The following GPC6 variants were observed in gnomAD, a reference collection of about 807,000 sequenced individuals.
GPC6 encodes the protein glypican-6.
In GPC6, 14 loss-of-function variants were observed where a neutral mutation model predicts 55.2. That is an observed-to-expected ratio of 0.25 (90% CI 0.17 to 0.40). GPC6 has a LOEUF of 0.40. Among genes scored for constraint, GPC6 ranks in the 10% least tolerant of loss-of-function variants. The pLI is 1.00. For missense variants in GPC6, 641 were observed against 708.5 expected (o/e 0.90, Z 1.08); for synonymous variants, 278 against 259.6 (o/e 1.07, Z -0.68).
At chr13:94,264,422 T>A (rs1162757416) in intron 4 of GPC6, among the ~76,000 whole-genome samples, 1 of 152,246 alleles carries the variant, frequency 6.6e-6, no homozygotes, top group Non-Finnish European at 1.5e-5. Context: ...ACCCTTCTTG[T>A]GAAACTTCCA....
At chr13:93,542,865 G>C (rs368529089) in intron 1 of GPC6, among the ~76,000 whole-genome samples, 17 of 152,064 alleles carry the variant, frequency 1.1e-4, no homozygotes, top group East Asian at 7.7e-4. Flanking sequence ...GATTTTTGTA[G>C]ATTGATTTTG....
At chr13:93,515,761 G>T (rs538754558) in intron 1 of GPC6, among the ~76,000 whole-genome samples, 1 of 152,226 alleles carries the variant, frequency 6.6e-6, no homozygotes, top group South Asian at 2.1e-4. Context: ...CAAGTATCTT[G>T]TAGTAGAGTA....
chr13:93,477,301 G>A (rs1256941480), intron 1 of GPC6, among the ~76,000 whole-genome samples: 1 of 152,136 alleles, frequency 6.6e-6, no homozygotes, highest in East Asian at 1.9e-4. Context: ...TTCAAATTGT[G>A]TAGTTACCTG....
At chr13:93,823,616 G>A (rs1227654150) in intron 2 of GPC6, among the ~76,000 whole-genome samples, 4 of 152,148 alleles carry the variant, frequency 2.6e-5, no homozygotes, top group African/African-American at 9.7e-5. Flanking sequence ...TCCAGTTAAA[G>A]TTTGGTATCT....
intron 4 of GPC6, among the ~76,000 whole-genome samples, chr13:94,124,083 T>C (rs1886726789): frequency 6.6e-6 from 1 of 152,132 alleles, no homozygotes; most frequent in African/African-American, 2.4e-5. Flanking sequence ...AAGAGTCTAC[T>C]ACCTTTAAAA....
At chr13:93,841,857 C>A (rs1887966009) in intron 3 of GPC6, among the ~76,000 whole-genome samples, 1 of 152,084 alleles carries the variant, frequency 6.6e-6, no homozygotes, top group South Asian at 2.1e-4. Flanking sequence ...GGAAGATCAA[C>A]TTTTCTATGT....
intron 2 of GPC6, among the ~76,000 whole-genome samples, chr13:93,588,642 T>C (rs1473974834): frequency 1.3e-5 from 2 of 152,134 alleles, no homozygotes; most frequent in East Asian, 3.8e-4. Flanking sequence ...GAGACCTCAG[T>C]AATCTTATAA....
intron 4 of GPC6, among the ~76,000 whole-genome samples, chr13:94,112,925 GCTC>G (rs1886303035): frequency 6.6e-6 from 1 of 151,938 alleles, no homozygotes; most frequent in Non-Finnish European, 1.5e-5. Flanking sequence ...TGCTCTGCTA[GCTC>G]CTCCTGGCTG....
At chr13:93,793,779 T>C (rs1886119163) in intron 2 of GPC6, among the ~76,000 whole-genome samples, 3 of 152,234 alleles carry the variant, frequency 2.0e-5, no homozygotes, top group African/African-American at 7.2e-5. Flanking sequence ...TATTGCAAGA[T>C]GATTTTCTTA....
chr13:93,356,040 G>A lies in GPC6; in HGVS notation c.160+128424G>A, dbSNP rs75544137. On this transcript the variant is annotated intron_variant, in intron 1 of 8. Coordinates refer to ENST00000377047, the MANE Select transcript of GPC6 (RefSeq NM_005708.5). Reference sequence around the variant, plus strand: ...TGAGGAAGACCTGGTTTAAAGGGGAGGAGGAGTTTAATCCTGAACTTGTAT... The same window carrying A: ...TGAGGAAGACCTGGTTTAAAGGGGAAGAGGAGTTTAATCCTGAACTTGTAT... 3.3e-3 allele frequency among the ~76,000 whole-genome samples: 509 copies of A among 152,188 alleles called. 3 individuals are homozygous for A. The highest frequency in any genetic ancestry group is 0.012 in the African/African-American group (499 of 41,508).
chr13:93,357,607 A>G (rs2139172793), intron 1 of GPC6, among the ~76,000 whole-genome samples: 1 of 151,798 alleles, frequency 6.6e-6, no homozygotes, highest in East Asian at 2.0e-4. Context: ...TGGAGGCTGA[A>G]GTGGGCAGAT....
At chr13:94,116,658 A>G (rs1247822505) in intron 4 of GPC6, among the ~76,000 whole-genome samples, 2 of 152,114 alleles carry the variant, frequency 1.3e-5, no homozygotes, top group Non-Finnish European at 2.9e-5. Flanking sequence ...TTGAATAAGC[A>G]AGTGTTCACA....
chr13:93,943,176 A>C (rs1057155802), intron 3 of GPC6, among the ~76,000 whole-genome samples: 1 of 152,192 alleles, frequency 6.6e-6, no homozygotes, highest in Non-Finnish European at 1.5e-5. Context: ...TGAATTATAC[A>C]TTATATCTCA....
At position 93,352,082 on chromosome 13, in the gene GPC6, A is replaced by T. The variant is rs1385059246; in HGVS notation, c.160+124466A>T. Among the ~76,000 whole-genome samples, 3 of 152,146 alleles carry T rather than the reference A, an allele frequency of 2.0e-5. No individual in the cohort carries two copies. In the East Asian group the frequency reaches 5.8e-4, roughly 29 times the overall value. On this transcript the variant is annotated intron_variant, in intron 1 of 8. Transcript: ENST00000377047. ...GTGGCAAATAATTGGAGGATGGGGAAATCAGGAGTAATTACTTAATGTAAT... is the reference window on the plus strand; with the variant it reads ...GTGGCAAATAATTGGAGGATGGGGATATCAGGAGTAATTACTTAATGTAAT...
At chr13:93,719,868 T>A (rs1321360022) in intron 2 of GPC6, among the ~76,000 whole-genome samples, 1 of 152,158 alleles carries the variant, frequency 6.6e-6, no homozygotes, top group Non-Finnish European at 1.5e-5. Context: ...TGGTTCTGTT[T>A]ATGTGATGGA....
In GPC6 at chr13:94,026,381, A is replaced by G. The variant is rs542702988; in HGVS notation, c.712-1348A>G. Among the ~76,000 whole-genome samples, 3 of 152,140 alleles carry G rather than the reference A, an allele frequency of 2.0e-5. No homozygotes were observed. The South Asian group carries it at 6.2e-4, about 32-fold the overall frequency. ...GTTGTTCCATCAATACACTGGTGTT[A>G]TGTTTCTTCAGCATCTGAATGTTCT... On this transcript the variant is annotated intron_variant, in intron 3 of 8. Coordinates refer to ENST00000377047, the MANE Select transcript of GPC6 (RefSeq NM_005708.5).
chr13:94,345,136 C>T (rs1167482572), intron 6 of GPC6, among the ~76,000 whole-genome samples: 2 of 152,122 alleles, frequency 1.3e-5, no homozygotes, highest in Non-Finnish European at 2.9e-5. Flanking sequence ...ATAAAATTCA[C>T]CCTGTTTCTC....
chr13:93,525,286 G>A (rs1881603208), intron 1 of GPC6, among the ~76,000 whole-genome samples: 1 of 152,054 alleles, frequency 6.6e-6, no homozygotes, highest in South Asian at 2.1e-4. Context: ...GATTTCATTT[G>A]CTCTCCACTG....
At chr13:93,342,263 A>T (rs546465560) in intron 1 of GPC6, among the ~76,000 whole-genome samples, 1 of 152,238 alleles carries the variant, frequency 6.6e-6, no homozygotes, top group South Asian at 2.1e-4. Flanking sequence ...GTATTAGTCC[A>T]TTTTTATACT....
Sources: allele counts gnomAD v4.1 joint callset (sites outside exome capture counted in the v4.1 genomes callset), GRCh38; gene constraint gnomAD v4.1.1; transcripts MANE v1.5; gene names NCBI Gene and HGNC (gene_info 2026-07-23, HGNC 2026-07-21).